CREM: variants seen among roughly 807,000 people sequenced by gnomAD.
CREM encodes cAMP responsive element modulator, also known as cAMP-responsive element modulator.
Under a neutral mutation model 37.3 loss-of-function variants are expected in CREM, and 13 were observed. That is an observed-to-expected ratio of 0.35 (90% CI 0.23 to 0.55). The LOEUF is 0.55. Ranked by LOEUF, CREM falls within the 20% of genes least tolerant of loss-of-function variation. The probability of loss-of-function intolerance (pLI) is 0.88; values close to 1 mark genes in which losing one functional copy is unlikely to be tolerated. For synonymous variants in CREM, 124 were observed against 120.2 expected (o/e 1.03, Z -0.21); for missense variants, 296 against 362.3 (o/e 0.82, Z 1.49).
intron 3 of CREM, 32 bp from the exon 4 acceptor site, chr10:35,178,857 T>C: frequency 6.4e-7 from 1 of 1,553,770 alleles, no homozygotes; most frequent in East Asian, 2.2e-5. Flanking sequence ...GCATATATTT[T>C]ATGATACATT....
At chr10:35,169,075 A>T (rs1213078029) in intron 3 of CREM, among the ~76,000 whole-genome samples, 1 of 152,166 alleles carries the variant, frequency 6.6e-6, no homozygotes. Context: ...TATCTTGGCA[A>T]TGTGGGCTCT....
intron 3 of CREM, among the ~76,000 whole-genome samples, chr10:35,168,197 C>T (rs961359929): frequency 2.6e-5 from 4 of 152,190 alleles, no homozygotes; most frequent in Non-Finnish European, 4.4e-5. Flanking sequence ...AATGGTTGAA[C>T]TAGTTTACAG....
intron 3 of CREM, among the ~76,000 whole-genome samples, chr10:35,161,594 C>T (rs781436652): frequency 4.0e-5 from 6 of 151,540 alleles, no homozygotes; most frequent in Non-Finnish European, 8.8e-5. Flanking sequence ...ACCCGGGAGG[C>T]AGAAGTTGCA....
chr10:35,127,649 T>C (rs1267971075), intron 1 of CREM: 1 of 152,272 alleles, frequency 6.6e-6, no homozygotes, highest in Non-Finnish European at 1.5e-5. Flanking sequence ...ACGCAGCCCG[T>C]TTTCCCCCAA....
At position 35,179,245 on chromosome 10, in the gene CREM, T is replaced by C. The variant is rs746490539; in HGVS notation, c.378T>C (p.Thr126=). 5.6e-6 allele frequency: 9 copies of C among 1,613,996 alleles called. No homozygotes were observed. The South Asian group carries it at 7.7e-5, about 14-fold the overall frequency. Residue 126 remains threonine (T), a synonymous_variant, in exon 5 of 8, where the codon ACT becomes ACC. Coordinates refer to ENST00000685392, the MANE Select transcript of CREM (RefSeq NM_183011.2). ...GTATTGCTACCATGGCAGTACCAAC[T>C]AGCATATATCAGACTAGCACGGGGC... ...PPSIATMAVP[T]SIYQTSTGQY...
intron 5 of CREM, 156 bp downstream of exon 5, chr10:35,179,432 G>A (rs1316979036): frequency 1.1e-6 from 1 of 876,178 alleles, no homozygotes; most frequent in East Asian, 3.0e-5. Context: ...GTTAAAAAGT[G>A]AGATCTTTGT....
chr10:35,175,910 T>A (rs2094044385), intron 3 of CREM: 3 of 1,553,496 alleles, frequency 1.9e-6, no homozygotes, highest in Non-Finnish European at 2.6e-6. Context: ...TCTAGTGCAG[T>A]TACCTTCGGG....
At position 35,129,194 on chromosome 10, in the gene CREM, T is replaced by G. The variant is rs1457507776; in HGVS notation, c.-55+2001T>G. Among the ~76,000 whole-genome samples, 3 of 152,246 alleles carry G rather than the reference T, an allele frequency of 2.0e-5. No homozygotes were observed. In the East Asian group the frequency reaches 5.8e-4, roughly 29 times the overall value. ...CGAAGTTGTAATTACGGTGATGTTTTGTGTACATATTTTGGTGACAGTATA... is the reference window on the plus strand; with the variant it reads ...CGAAGTTGTAATTACGGTGATGTTTGGTGTACATATTTTGGTGACAGTATA... On this transcript the variant is annotated intron_variant, in intron 1 of 7. Coordinates refer to ENST00000685392, the MANE Select transcript of CREM (RefSeq NM_183011.2).
intron 3 of CREM, among the ~76,000 whole-genome samples, chr10:35,168,322 G>T (rs935717419): frequency 3.9e-5 from 6 of 152,186 alleles, no homozygotes; most frequent in Non-Finnish European, 8.8e-5. Context: ...TCTTATTGTG[G>T]TTTAGATTTG....
intron 2 of CREM, among the ~76,000 whole-genome samples, chr10:35,144,270 G>T (rs2091809849): frequency 6.6e-6 from 1 of 152,100 alleles, no homozygotes; most frequent in African/African-American, 2.4e-5. Context: ...AACGCCTCAT[G>T]GTATCCTGAC....
intron 6 of CREM, among the ~76,000 whole-genome samples, chr10:35,201,805 G>A (rs1389692139): frequency 6.6e-6 from 1 of 152,100 alleles, no homozygotes; most frequent in Non-Finnish European, 1.5e-5. Flanking sequence ...GAGACACATC[G>A]CATCTTGTAG....
intron 6 of CREM, among the ~76,000 whole-genome samples, chr10:35,203,999 T>C (rs770736473): frequency 6.6e-6 from 1 of 152,196 alleles, no homozygotes. Flanking sequence ...AAGACCTAGG[T>C]GACCACCAGC....
intron 6 of CREM, among the ~76,000 whole-genome samples, chr10:35,200,725 G>C (rs2095358789): frequency 6.6e-6 from 1 of 152,166 alleles, no homozygotes; most frequent in Non-Finnish European, 1.5e-5. Context: ...CCACTTAGAA[G>C]TGTGACATCT....
At chr10:35,166,412 T>C (rs1014808236) in intron 3 of CREM, among the ~76,000 whole-genome samples, 1 of 151,908 alleles carries the variant, frequency 6.6e-6, no homozygotes, top group African/African-American at 2.4e-5. Context: ...ATTACAAAAA[T>C]TAACTGGGTG....
intron 3 of CREM, chr10:35,158,257 A>T (rs936343191): frequency 6.3e-6 from 1 of 157,860 alleles, no homozygotes; most frequent in Non-Finnish European, 1.4e-5. Flanking sequence ...AAAGACCCCA[A>T]ATAGCGAAAG....
chr10:35,191,875 G>A (rs903710124), intron 6 of CREM, among the ~76,000 whole-genome samples: 1 of 152,136 alleles, frequency 6.6e-6, no homozygotes, highest in Admixed American at 6.5e-5. Context: ...TCCTTAGATG[G>A]CCACACATAC....
chr10:35,185,532 A>G (rs894725252), intron 5 of CREM, among the ~76,000 whole-genome samples: 5 of 152,114 alleles, frequency 3.3e-5, no homozygotes, highest in Non-Finnish European at 7.4e-5. Flanking sequence ...AACATACACA[A>G]TTTACTCATG....
At chr10:35,165,919 C>T (rs2132445216) in intron 3 of CREM, among the ~76,000 whole-genome samples, 1 of 151,992 alleles carries the variant, frequency 6.6e-6, no homozygotes, top group Admixed American at 6.6e-5. Context: ...TTATTTAAAC[C>T]CTTCTGGATA....
At chr10:35,196,448 T>A in intron 6 of CREM, 1 of 236,088 alleles carries the variant, frequency 4.2e-6, no homozygotes. Flanking sequence ...TGCAGTTGAA[T>A]TAAGAGTTTT....
Sources: gnomAD v4.1 joint callset for allele counts (sites outside exome capture counted in the v4.1 genomes callset) on GRCh38, gnomAD v4.1.1 for gene constraint, MANE v1.5 for transcripts, NCBI Gene and HGNC (gene_info 2026-07-23, HGNC 2026-07-21) for gene names.